DRICH1: variants seen among roughly 807,000 people sequenced by gnomAD.
DRICH1 encodes the protein aspartate-rich protein 1.
DRICH1 carries 38 observed loss-of-function variants against 39.5 expected under a neutral mutation model. The observed-to-expected ratio is 0.96, with a 90% CI of 0.74 to 1.26. DRICH1 has a LOEUF of 1.26. Among genes scored for constraint, DRICH1 ranks in the 50% most tolerant of loss-of-function variants. DRICH1 has a pLI of 0.00. For missense variants in DRICH1, 279 were observed against 270.4 expected (o/e 1.03, Z -0.22); for synonymous variants, 84 against 99.5 (o/e 0.84, Z 0.93).
chr22:23,620,463 GT>G, intron 5 of DRICH1, 130 bp downstream of exon 5: 4 of 1,069,170 alleles, frequency 3.7e-6, no homozygotes, highest in Non-Finnish European at 5.8e-6. Flanking sequence ...TCTGCTCATA[GT>G]TATACACTTG....
At chr22:23,592,833 A>AGT in the DRICH1 span, among the ~76,000 whole-genome samples, 347 of 107,768 alleles carry the variant, frequency 3.2e-3, 2 homozygotes, top group African/African-American at 8.5e-3. Flanking sequence ...CTCTATTAAA[A>AGT]ATACACACAC....
intron 11 of DRICH1, among the ~76,000 whole-genome samples, chr22:23,612,856 C>T (rs1927121543): frequency 6.6e-6 from 1 of 152,166 alleles, no homozygotes; most frequent in East Asian, 1.9e-4. Context: ...GAGGGTGATT[C>T]TCGATTTCCC....
chr22:23,592,987 G>GT, the DRICH1 span, among the ~76,000 whole-genome samples: 1 of 151,480 alleles, frequency 6.6e-6, no homozygotes, highest in Non-Finnish European at 1.5e-5. Context: ...AGCCATGATC[G>GT]TGTCACTGCA....
At chr22:23,616,997 C>T (rs1278780182) in intron 7 of DRICH1, 123 bp from the exon 8 acceptor site, 3 of 1,123,904 alleles carry the variant, frequency 2.7e-6, no homozygotes, top group Non-Finnish European at 4.0e-6. Context: ...AAGTCAAGGT[C>T]AAAGACCAAA....
At chr22:23,611,440 G>A (rs1927029564) in intron 11 of DRICH1, among the ~76,000 whole-genome samples, 1 of 148,346 alleles carries the variant, frequency 6.7e-6, no homozygotes, top group Admixed American at 6.9e-5. Flanking sequence ...ACCCAGGTTG[G>A]AGTGCAGTGG....
chr22:23,609,167 G>A (rs1244002271), intron 11 of DRICH1, among the ~76,000 whole-genome samples: 1 of 152,162 alleles, frequency 6.6e-6, no homozygotes, highest in African/African-American at 2.4e-5. Context: ...TTTGGACAAG[G>A]GCAGAGGGAC....
chr22:23,617,013 T>A, intron 7 of DRICH1, 139 bp from the exon 8 acceptor site: 1 of 962,786 alleles, frequency 1.0e-6, no homozygotes, highest in Non-Finnish European at 1.6e-6. Context: ...CCAAACATTC[T>A]AGCATAGAGG....
At chr22:23,613,362 T>TAGAGAG in intron 10 of DRICH1, 32 bp from the exon 11 acceptor site, 1 of 1,583,340 alleles carries the variant, frequency 6.3e-7, no homozygotes, top group Non-Finnish European at 8.7e-7. Flanking sequence ...AATAAGTCAT[T>TAGAGAG]AGAGAGAGTG....
intron 11 of DRICH1, among the ~76,000 whole-genome samples, chr22:23,610,081 C>A (rs1331883513): frequency 6.6e-6 from 1 of 152,106 alleles, no homozygotes; most frequent in Admixed American, 6.5e-5. Flanking sequence ...GTTGCCCTGG[C>A]CGTCTCTCCT....
At chr22:23,582,123 G>T in the DRICH1 span, among the ~76,000 whole-genome samples, 2 of 150,402 alleles carry the variant, frequency 1.3e-5, no homozygotes, top group East Asian at 4.0e-4. Context: ...GGGATTACAG[G>T]CGCCCACCAC....
the DRICH1 span, among the ~76,000 whole-genome samples, chr22:23,595,270 A>G: frequency 6.7e-6 from 1 of 148,400 alleles, no homozygotes; most frequent in Non-Finnish European, 1.5e-5. Context: ...CGCTGTGGTG[A>G]AAGTTCGTGT....
intron 8 of DRICH1, among the ~76,000 whole-genome samples, chr22:23,614,813 A>ACCCCTGTGATCAGGGGCTT (rs561183409): frequency 0.011 from 1,625 of 152,256 alleles, 21 homozygotes; most frequent in African/African-American, 0.034. Flanking sequence ...ACACTTTTGG[A>ACCCCTGTGATCAGGGGCTT]CAGCAGCTCC....
Position 23,608,596 on chromosome 22 carries a change from G to A in DRICH1, c.*168C>T. 4.4e-6 allele frequency: 3 copies of A among 682,388 alleles called. No individual in the cohort carries two copies. In the South Asian group the frequency reaches 5.1e-5, roughly 12 times the overall value. The allele number at this position is 682,388 out of a possible 1,614,324, so 42.3% of individuals were successfully genotyped here. ...CTGGATGGTACAGGCCAAACCTAGT[G>A]CTGGCGGTGGGTGGGAAGCAGCCTT... On this transcript the variant is annotated 3_prime_UTR_variant, in exon 12 of 12. Transcript: ENST00000317749.
At chr22:23,605,183 A>G (rs60473379), downstream of DRICH1, among the ~76,000 whole-genome samples, 1,835 of 152,308 alleles carry the variant, frequency 0.012, 14 homozygotes, top group African/African-American at 0.034. Context: ...TGAACAGGCC[A>G]TTGTGACCCA....
chr22:23,631,777 G>C (rs200864631), intron 1 of DRICH1, 39 bp downstream of exon 1: 1 of 1,541,172 alleles, frequency 6.5e-7, no homozygotes, highest in Admixed American at 1.7e-5. Context: ...GGTGGCCAGA[G>C]GTGTGCCAGA....
At chr22:23,609,556 C>G (rs973646915) in intron 11 of DRICH1, among the ~76,000 whole-genome samples, 4 of 152,134 alleles carry the variant, frequency 2.6e-5, no homozygotes, top group African/African-American at 7.2e-5. Context: ...ACCCCCTGAC[C>G]AGGGGTACAC....
chr22:23,598,308 C>T, the DRICH1 span, among the ~76,000 whole-genome samples: 1 of 147,806 alleles, frequency 6.8e-6, no homozygotes, highest in African/African-American at 2.5e-5. Context: ...ACCCACAGGC[C>T]CAGGCAAGAA....
Position 23,632,216 on chromosome 22 carries a change from G to T in DRICH1, c.-193C>A. Reference sequence around the variant, plus strand: ...TGGTCTATGAGGTCAGGGACCTGCTGTCTTCTTTGAAAAATAAACGAACAT... The same window carrying T: ...TGGTCTATGAGGTCAGGGACCTGCTTTCTTCTTTGAAAAATAAACGAACAT... On this transcript the variant is annotated 5_prime_UTR_variant, in exon 1 of 12. Coordinates refer to ENST00000317749, the MANE Select transcript of DRICH1 (RefSeq NM_016449.4). 1 of 885,456 alleles carries T rather than the reference G, an allele frequency of 1.1e-6. No homozygotes were observed. The highest frequency in any genetic ancestry group is 1.7e-6 in the Non-Finnish European group (1 of 598,814). 54.8% of individuals were successfully genotyped at this position (885,456 alleles called of 1,614,324 possible). A position where few individuals can be genotyped will look rare whatever the true frequency, so the allele number is the denominator to read the frequency against.
At chr22:23,624,968 A>G in intron 2 of DRICH1, 64 bp from the exon 3 acceptor site, 2 of 1,553,844 alleles carry the variant, frequency 1.3e-6, no homozygotes, top group African/African-American at 1.4e-5. Flanking sequence ...CCCTACACAG[A>G]TCAGTTATTC....
Sources: allele counts gnomAD v4.1 joint callset (sites outside exome capture counted in the v4.1 genomes callset), GRCh38; gene constraint gnomAD v4.1.1; transcripts MANE v1.5; gene names NCBI Gene and HGNC (gene_info 2026-07-23, HGNC 2026-07-21).